Variants in MRPS31 observed in about 807,000 individuals in gnomAD.
MRPS31 encodes the protein mitochondrial ribosomal protein S31.
Under a neutral mutation model 43.1 loss-of-function variants are expected in MRPS31, and 32 were observed. The observed-to-expected ratio is 0.74, with a 90% confidence interval of 0.56 to 1.00. The LOEUF (loss-of-function observed/expected upper bound fraction) is 1.00. Among genes scored for constraint, MRPS31 ranks in the 50% least tolerant of loss-of-function variants. MRPS31 has a pLI of 0.00. For missense variants in MRPS31, 437 were observed against 466.7 expected (o/e 0.94, Z 0.59); for synonymous variants, 165 against 161.6 (o/e 1.02, Z -0.16).
At chr13:40,749,349 A>G in intron 5 of MRPS31, 68 bp from the exon 6 acceptor site, 5 of 1,275,484 alleles carry the variant, frequency 3.9e-6, no homozygotes, top group Non-Finnish European at 5.2e-6. Flanking sequence ...AGTTACAACC[A>G]ATCCTGAATT....
At chr13:40,753,586 T>C (rs961291228) in intron 5 of MRPS31, among the ~76,000 whole-genome samples, 1 of 152,198 alleles carries the variant, frequency 6.6e-6, no homozygotes, top group African/African-American at 2.4e-5. Context: ...GCCAAGGCCA[T>C]GGTGCCTAGC....
At chr13:40,768,061 A>G (rs1425427590) in intron 1 of MRPS31, among the ~76,000 whole-genome samples, 3 of 152,232 alleles carry the variant, frequency 2.0e-5, no homozygotes, top group East Asian at 1.9e-4. Context: ...TTACATCTAT[A>G]TTAGACTCAT....
intron 6 of MRPS31, among the ~76,000 whole-genome samples, chr13:40,738,588 T>C (rs1022833000): frequency 1.3e-5 from 2 of 151,836 alleles, no homozygotes; most frequent in East Asian, 1.9e-4. Flanking sequence ...AGCTTATCCA[T>C]CATGATCAAG....
chr13:40,737,674 C>T (rs1413716996), intron 6 of MRPS31, among the ~76,000 whole-genome samples: 1 of 152,278 alleles, frequency 6.6e-6, no homozygotes, highest in East Asian at 1.9e-4. Context: ...GAACAACCTG[C>T]TCTTCAATGA....
Position 40,740,728 on chromosome 13 carries a change from T to C in MRPS31, c.958+8410A>G, listed in dbSNP as rs1464372688. 4.2e-4 allele frequency among the ~76,000 whole-genome samples: 58 copies of C among 139,680 alleles called. 1 individual carries two copies. Among genetic ancestry groups the C allele is most frequent in the African/African-American group, 1.4e-3 (51 of 37,572 alleles). The allele number at this position is 139,680 out of a possible 152,430, so 91.6% of individuals were successfully genotyped here. A position where few individuals can be genotyped will look rare whatever the true frequency, so the allele number is the denominator to read the frequency against. On this transcript the variant is annotated intron_variant, in intron 6 of 6. Coordinates refer to ENST00000323563, the MANE Select transcript of MRPS31 (RefSeq NM_005830.4). ...GCATATTCTCACTCATAGGTGGGAATTGAACAGTGAGATCACATGGACACA... is the reference window on the plus strand; with the variant it reads ...GCATATTCTCACTCATAGGTGGGAACTGAACAGTGAGATCACATGGACACA...
intron 6 of MRPS31, among the ~76,000 whole-genome samples, chr13:40,740,947 T>TA (rs61060673): frequency 0.34 from 49,134 of 142,902 alleles, 8,653 homozygotes; most frequent in East Asian, 0.59. Context: ...AAAAAAAAAT[T>TA]AAAAAAAAAA....
chr13:40,764,327 T>C lies in MRPS31; in HGVS notation c.440+2419A>G, dbSNP rs546848647. Among the ~76,000 whole-genome samples the C allele has an allele frequency of 3.9e-5, 6 of 152,348 alleles. No homozygotes were observed. In the East Asian group the frequency reaches 1.2e-3, roughly 29 times the overall value. ...ACTTTTAAATTATCTCTAGATTACT[T>C]ATAATACCTAATTATGTAAGTAGTT... On this transcript the variant is annotated intron_variant, in intron 2 of 6. Coordinates refer to ENST00000323563, the MANE Select transcript of MRPS31 (RefSeq NM_005830.4).
Position 40,766,960 on chromosome 13 carries a change from G to T in MRPS31, c.226C>A (p.Arg76=). Residue 76 remains arginine, a synonymous_variant, in exon 2 of 7, where the codon CGA becomes AGA. Transcript: ENST00000323563. ...ICSKKDKQSV[R]TEETSKETSE... ...GTCTCCTTGGAAGTCTCCTCAGTTC[G>T]AACAGACTGCTTATCTTTCTTGCTA... is the stretch of plus-strand genomic sequence containing the variant. 1 of 1,613,878 alleles carries T rather than the reference G, an allele frequency of 6.2e-7. No homozygotes were observed. Among genetic ancestry groups the T allele is most frequent in the Non-Finnish European group, 8.5e-7 (1 of 1,179,970 alleles).
rs544025547 is a variant in MRPS31, at chr13:40,763,083, G to C, written c.440+3663C>G. Among the ~76,000 whole-genome samples, 8 of 152,310 alleles carry C rather than the reference G, an allele frequency of 5.3e-5. No individual in the cohort carries two copies. The South Asian group carries it at 1.4e-3, about 28-fold the overall frequency. On this transcript the variant is annotated intron_variant, in intron 2 of 6. Coordinates refer to ENST00000323563, the MANE Select transcript of MRPS31 (RefSeq NM_005830.4). ...AATAGTTAGCTGATGCCTTCCAAAT[G>C]AATCAGGTTAAGAGGAAGTTAAAGC...
intron 3 of MRPS31, among the ~76,000 whole-genome samples, chr13:40,758,173 C>A (rs1880588607): frequency 6.6e-6 from 1 of 151,712 alleles, no homozygotes; most frequent in South Asian, 2.1e-4. Flanking sequence ...GATCCTCCTG[C>A]CTCAGCATCC....
intron 6 of MRPS31, among the ~76,000 whole-genome samples, chr13:40,743,123 C>A (rs1880147445): frequency 6.6e-6 from 1 of 152,112 alleles, no homozygotes; most frequent in East Asian, 1.9e-4. Context: ...ACCAGCCTGG[C>A]CAACATGGTA....
intron 6 of MRPS31, among the ~76,000 whole-genome samples, chr13:40,744,628 C>T (rs1566106691): frequency 2.6e-5 from 4 of 152,110 alleles, no homozygotes; most frequent in Admixed American, 6.5e-5. Context: ...GTGGCGCGAC[C>T]TCTGCCTCCC....
At chr13:40,749,102 C>G (rs767700641) in intron 6 of MRPS31, 36 bp downstream of exon 6, 2 of 1,562,328 alleles carry the variant, frequency 1.3e-6, no homozygotes, top group African/African-American at 2.8e-5. Flanking sequence ...TAATCTCAAT[C>G]AATACGTTTT....
rs1854421 is a variant in MRPS31 at position 40,756,891 on chromosome 13, G to C, written c.722C>G (p.Thr241Arg). The change falls in exon 4 of 7, where the codon ACG (threonine) becomes AGG (arginine). Residue 241 changes from threonine to arginine, a missense_variant. Transcript: ENST00000323563. ...CTGATACCTTTTTTTAAGATCATCC[G>C]TCTTCTCCTGGCCAGGATAATTGTC... is the stretch of plus-strand genomic sequence containing the variant. ...GYDNYPGQEK[T>R]DDLKKRKNIF... The C allele has an allele frequency of 6.2e-7, 1 of 1,612,970 alleles. No individual in the cohort carries two copies. The highest frequency in any genetic ancestry group is 8.5e-7 in the Non-Finnish European group (1 of 1,179,700).
chr13:40,736,625 T>C (rs1411520112), intron 6 of MRPS31, among the ~76,000 whole-genome samples: 4 of 150,928 alleles, frequency 2.7e-5, no homozygotes, highest in Non-Finnish European at 5.9e-5. Context: ...GGGACCAATA[T>C]TGAACATTCT....
chr13:40,768,889 A>G (rs1033920608), intron 1 of MRPS31, among the ~76,000 whole-genome samples: 5 of 152,184 alleles, frequency 3.3e-5, no homozygotes, highest in African/African-American at 1.2e-4. Context: ...AGGTTTCATT[A>G]TTCTCACTTT....
At chr13:40,752,987 A>C (rs1253803621) in intron 5 of MRPS31, among the ~76,000 whole-genome samples, 3 of 152,176 alleles carry the variant, frequency 2.0e-5, no homozygotes, top group African/African-American at 7.2e-5. Context: ...ATGTTGTCTC[A>C]GCCTCCCAAG....
chr13:40,741,578 T>C (rs1289919704), intron 6 of MRPS31, among the ~76,000 whole-genome samples: 1 of 152,132 alleles, frequency 6.6e-6, no homozygotes, highest in Non-Finnish European at 1.5e-5. Flanking sequence ...AGGTTAACAA[T>C]ATCCAGTATC....
At chr13:40,765,224 C>T (rs566731246) in intron 2 of MRPS31, among the ~76,000 whole-genome samples, 1 of 152,310 alleles carries the variant, frequency 6.6e-6, no homozygotes, top group African/African-American at 2.4e-5. Context: ...ATACATCACA[C>T]CCATCCTCCA....
Sources: gnomAD v4.1 joint callset for allele counts (sites outside exome capture counted in the v4.1 genomes callset) on GRCh38, gnomAD v4.1.1 for gene constraint, MANE v1.5 for transcripts, NCBI Gene and HGNC (gene_info 2026-07-23, HGNC 2026-07-21) for gene names.